Variants in HELZ observed in about 807,000 individuals in gnomAD.
HELZ encodes the protein helicase with zinc finger, also known as ATP-dependent RNA helicase with zinc finger domain.
HELZ carries 23 observed loss-of-function variants against 218.2 expected under a neutral mutation model. That is an observed-to-expected ratio of 0.11 (90% CI 0.08 to 0.15). The LOEUF (loss-of-function observed/expected upper bound fraction) is 0.15. Ranked by LOEUF, HELZ falls within the 10% of genes least tolerant of loss-of-function variation. The pLI, the probability that HELZ is intolerant of heterozygous loss-of-function variation, is 1.00. For synonymous variants in HELZ, 814 were observed against 829.4 expected, an observed-to-expected ratio of 0.98 and a Z score of 0.32; for missense variants, 1,813 against 2,353.7, an observed-to-expected ratio of 0.77 and a Z score of 4.75.
At chr17:67,242,225 G>C (rs538570573) in intron 2 of HELZ, among the ~76,000 whole-genome samples, 62 of 152,282 alleles carry the variant, frequency 4.1e-4, no homozygotes, top group African/African-American at 1.5e-3. Context: ...AGACCAGCCT[G>C]ACCAACATGG....
intron 24 of HELZ, chr17:67,128,349 C>A: frequency 3.1e-6 from 1 of 325,182 alleles, no homozygotes; most frequent in South Asian, 6.3e-5. Context: ...TTGTTTTATT[C>A]ACATCTCACT....
Position 67,182,663 on chromosome 17 carries a change from T to C in HELZ, c.1163-3737A>G, listed in dbSNP as rs544310380. Among the ~76,000 whole-genome samples, 8 of 152,320 alleles carry C rather than the reference T, an allele frequency of 5.3e-5. No individual in the cohort carries two copies. In the South Asian group the frequency reaches 1.7e-3, roughly 32 times the overall value. On this transcript the variant is annotated intron_variant, in intron 12 of 32. Coordinates refer to ENST00000358691, the MANE Select transcript of HELZ (RefSeq NM_014877.4). ...ATAGAAATCCATAAGTTAAAGATAATTAGAATACACCTAATCTTTTGAAGA... is the reference window on the plus strand; with the variant it reads ...ATAGAAATCCATAAGTTAAAGATAACTAGAATACACCTAATCTTTTGAAGA...
At position 67,145,141 on chromosome 17, in the gene HELZ, C is replaced by T. The variant is rs151184595; in HGVS notation, c.2769+602G>A. 3.4e-4 allele frequency among the ~76,000 whole-genome samples: 52 copies of T among 152,304 alleles called. No individual in the cohort carries two copies. The East Asian group carries it at 9.4e-3, about 28-fold the overall frequency. ...TCCTCGGGCTTCCTGAAGTCCAGAA[C>T]TCAACTCCCTCCTGACGGACAGAAC... On this transcript the variant is annotated intron_variant, in intron 21 of 32. Coordinates refer to ENST00000358691, the MANE Select transcript of HELZ (RefSeq NM_014877.4).
chr17:67,240,990 A>T (rs1388194171), intron 2 of HELZ, among the ~76,000 whole-genome samples: 1 of 152,202 alleles, frequency 6.6e-6, no homozygotes, highest in Non-Finnish European at 1.5e-5. Context: ...CAGATTCAAG[A>T]TTACTGAAAA....
chr17:67,145,627 T>C, intron 21 of HELZ, 116 bp downstream of exon 21: 2 of 720,528 alleles, frequency 2.8e-6, no homozygotes, highest in Non-Finnish European at 4.6e-6. Flanking sequence ...ACTATTTACA[T>C]GTAAATGAAG....
chr17:67,112,736 G>T (rs1433941027), intron 28 of HELZ, among the ~76,000 whole-genome samples: 1 of 152,224 alleles, frequency 6.6e-6, no homozygotes, highest in Non-Finnish European at 1.5e-5. Context: ...CTGGTTTATA[G>T]TAAGAAACCA....
intron 1 of HELZ, chr17:67,244,823 T>G: frequency 3.0e-6 from 3 of 985,374 alleles, no homozygotes; most frequent in Non-Finnish European, 3.6e-6. Context: ...CCCAGAGTGC[T>G]CTGGGCCGGA....
At chr17:67,110,064 G>A (rs1279740542) in intron 28 of HELZ, among the ~76,000 whole-genome samples, 1 of 151,846 alleles carries the variant, frequency 6.6e-6, no homozygotes, top group Non-Finnish European at 1.5e-5. Flanking sequence ...GGGTGGGTTT[G>A]GGTTTTGTTT....
intron 9 of HELZ, among the ~76,000 whole-genome samples, chr17:67,191,769 T>C (rs1370543387): frequency 6.6e-6 from 1 of 151,702 alleles, no homozygotes; most frequent in Non-Finnish European, 1.5e-5. Context: ...TTAACTTTTT[T>C]TTTTTTTTTT....
intron 9 of HELZ, among the ~76,000 whole-genome samples, chr17:67,190,734 G>T (rs188407561): frequency 6.6e-6 from 1 of 152,156 alleles, no homozygotes; most frequent in East Asian, 1.9e-4. Context: ...TTTTTGAGAC[G>T]GAGTCTCACT....
intron 26 of HELZ, 152 bp from the exon 27 acceptor site, chr17:67,120,764 T>C: frequency 3.2e-6 from 2 of 625,370 alleles, no homozygotes; most frequent in Non-Finnish European, 5.7e-6. Context: ...AACTACAAAG[T>C]TGATGCTAAT....
rs568183193 is a variant in HELZ at position 67,172,309 on chromosome 17, C to T, written c.1431-4513G>A. 3.3e-5 allele frequency among the ~76,000 whole-genome samples: 5 copies of T among 152,262 alleles called. No individual in the cohort carries two copies. The South Asian group carries it at 6.2e-4, about 19-fold the overall frequency. On this transcript the variant is annotated intron_variant, in intron 13 of 32. Transcript: ENST00000358691. Reference sequence around the variant, plus strand: ...CATTCCTCCAGTGCAGTGCTGAGCACATTTTATTATAACCCTGTATTTATG... The same window carrying T: ...CATTCCTCCAGTGCAGTGCTGAGCATATTTTATTATAACCCTGTATTTATG...
Position 67,223,594 on chromosome 17 carries a change from T to C in HELZ, c.-18-4772A>G, listed in dbSNP as rs1021547572. ...AGTGAAACCCCGTCTCTATTAAAAA[T>C]ACAAAAAATTAGCCGGATGTGGTAG... On this transcript the variant is annotated intron_variant, in intron 3 of 32. Transcript: ENST00000358691. Among the ~76,000 whole-genome samples, 25 of 151,446 alleles carry C rather than the reference T, an allele frequency of 1.7e-4. 1 individual carries two copies. Among genetic ancestry groups the C allele is most frequent in the African/African-American group, 5.6e-4 (23 of 41,310 alleles).
chr17:67,156,388 C>T (rs1376064588), intron 17 of HELZ, among the ~76,000 whole-genome samples: 1 of 152,016 alleles, frequency 6.6e-6, no homozygotes, highest in African/African-American at 2.4e-5. Flanking sequence ...AGCCACTGCC[C>T]AACCTCTCCC....
intron 16 of HELZ, 147 bp from the exon 17 acceptor site, chr17:67,160,509 C>T (rs763624617): frequency 2.4e-5 from 14 of 586,410 alleles, no homozygotes; most frequent in Non-Finnish European, 4.1e-5. Flanking sequence ...TTCAGTGATA[C>T]CTTTAGGAAA....
At chr17:67,198,125 T>G (rs867384279) in intron 7 of HELZ, among the ~76,000 whole-genome samples, 1 of 152,338 alleles carries the variant, frequency 6.6e-6, no homozygotes, top group Middle Eastern at 3.4e-3. Flanking sequence ...AATTTTAAAG[T>G]ATCTCCTTTT....
intron 2 of HELZ, among the ~76,000 whole-genome samples, chr17:67,243,257 T>C (rs1043438767): frequency 4.6e-5 from 7 of 152,154 alleles, no homozygotes; most frequent in African/African-American, 1.7e-4. Context: ...CATCTTTATT[T>C]CAAAATAATT....
chr17:67,081,102 T>C (rs1002052976), intron 32 of HELZ, among the ~76,000 whole-genome samples: 2 of 152,220 alleles, frequency 1.3e-5, no homozygotes, highest in African/African-American at 2.4e-5. Context: ...GCCACTTGCC[T>C]TGAAACACTG....
At chr17:67,233,170 T>C (rs2041083095) in intron 3 of HELZ, among the ~76,000 whole-genome samples, 1 of 152,082 alleles carries the variant, frequency 6.6e-6, no homozygotes, top group African/African-American at 2.4e-5. Context: ...CTGGCCAACA[T>C]GGTGAAACCC....
Sources: allele counts gnomAD v4.1 joint callset (sites outside exome capture counted in the v4.1 genomes callset), GRCh38; gene constraint gnomAD v4.1.1; transcripts MANE v1.5; gene names NCBI Gene and HGNC (gene_info 2026-07-23, HGNC 2026-07-21).